KCNQ2: variants seen among roughly 807,000 people sequenced by gnomAD.
The protein encoded by KCNQ2 is potassium voltage-gated channel subfamily Q member 2.
KCNQ2 carries 14 observed loss-of-function variants against 84.8 expected under a neutral mutation model. The ratio of observed to expected loss-of-function variants is 0.17; its 90% CI spans 0.11 to 0.26. The LOEUF (loss-of-function observed/expected upper bound fraction) is 0.26, where lower values mean the gene tolerates loss of function less well. Among genes scored for constraint, KCNQ2 ranks in the 10% least tolerant of loss-of-function variants. The probability of loss-of-function intolerance (pLI) is 1.00; values close to 1 mark genes in which losing one functional copy is unlikely to be tolerated. For synonymous variants in KCNQ2, 599 were observed against 554.1 expected (o/e 1.08, Z -1.14); for missense variants, 788 against 1,254.0 (o/e 0.63, Z 5.61).
At chr20:63,454,092 G>A (rs774958552) in intron 1 of KCNQ2, among the ~76,000 whole-genome samples, 26 of 152,178 alleles carry the variant, frequency 1.7e-4, no homozygotes, top group African/African-American at 3.6e-4. Flanking sequence ...AGCCGGATGC[G>A]GCCGAGATCT....
intron 1 of KCNQ2, among the ~76,000 whole-genome samples, chr20:63,470,236 A>AGGTGGGG (rs1568983464): frequency 6.8e-6 from 1 of 147,668 alleles, no homozygotes; most frequent in South Asian, 2.1e-4. Context: ...AGAGCCTGGG[A>AGGTGGGG]GCTCAGGGAG....
intron 1 of KCNQ2, among the ~76,000 whole-genome samples, chr20:63,467,185 C>T (rs1037075581): frequency 6.6e-6 from 1 of 152,234 alleles, no homozygotes. Context: ...GCTGCCCCTC[C>T]CCTGCCTCTG....
In KCNQ2 at chr20:63,404,442, G is replaced by GCCACACC. The variant is rs2079881278; in HGVS notation, c.*2201_*2202insGGTGTGG. 6.6e-6 allele frequency: 1 copy of GCCACACC among 151,856 alleles called. No individual in the cohort carries two copies. Among genetic ancestry groups the GCCACACC allele is most frequent in the East Asian group, 1.9e-4 (1 of 5,202 alleles). The allele number at this position is 151,856 out of a possible 1,614,324, so 9.4% of individuals were successfully genotyped here. ...GGCGGGGGAGGAAAGAGCAGGCGGG[G>GCCACACC]TCACACCTGCAGGGGGACACACAGC... On this transcript the variant is annotated 3_prime_UTR_variant, in exon 17 of 17. Coordinates refer to ENST00000359125, the MANE Select transcript of KCNQ2 (RefSeq NM_172107.4).
At chr20:63,440,418 G>T (rs1217379277) in intron 5 of KCNQ2, among the ~76,000 whole-genome samples, 1 of 152,172 alleles carries the variant, frequency 6.6e-6, no homozygotes, top group African/African-American at 2.4e-5. Flanking sequence ...GCAGGGGCAG[G>T]CACCCTGCAC....
chr20:63,423,931 G>A (rs542780203), intron 11 of KCNQ2: 28 of 434,580 alleles, frequency 6.4e-5, no homozygotes, highest in South Asian at 4.3e-4. Flanking sequence ...CCGAGAAGCC[G>A]CCCAGCTGCC....
chr20:63,439,305 C>T (rs1439379742), intron 6 of KCNQ2, among the ~76,000 whole-genome samples: 1 of 152,242 alleles, frequency 6.6e-6, no homozygotes, highest in Non-Finnish European at 1.5e-5. Flanking sequence ...GGACCTCCTG[C>T]TCAGCCCCAC....
Position 63,433,672 on chromosome 20 carries a change from C to G in KCNQ2, c.1118+137G>C, listed in dbSNP as rs1419918034. The stretch of plus-strand genomic sequence containing the variant: ...GCAACGCCTCGAAATAAACCACACA[C>G]AGAACTCCTTTGTGAAAAATACATT... On this transcript the variant is annotated intron_variant, in intron 8 of 16. Transcript: ENST00000359125. 12 of 1,531,546 alleles carry G rather than the reference C, an allele frequency of 7.8e-6. No homozygotes were observed. The Admixed American group carries it at 1.4e-4, about 17-fold the overall frequency. 94.9% of individuals were successfully genotyped at this position (1,531,546 alleles called of 1,614,324 possible). A position where few individuals can be genotyped will look rare whatever the true frequency, so the allele number is the denominator to read the frequency against.
At chr20:63,467,144 C>G (rs921490375) in intron 1 of KCNQ2, among the ~76,000 whole-genome samples, 1 of 151,760 alleles carries the variant, frequency 6.6e-6, no homozygotes, top group South Asian at 2.1e-4. Context: ...CGTCAAACCT[C>G]AAGTGGACCT....
chr20:63,472,321 G>C lies in KCNQ2; in HGVS notation c.143C>G (p.Pro48Arg). Residue 48 changes from proline (P) to arginine (R), a missense_variant, in exon 1 of 17, where the codon CCC becomes CGC. Around this residue, in one of 8 missense-constraint regions of KCNQ2, gnomAD observed 106 missense variants for 214.8 expected, o/e 0.49. Transcript: ENST00000359125. ...TTTGCTGAGGATGCTGCCGCGCTTG[G>C]GGGCCTCGGAGCCGGCGATCAGCAG... ...GALLIAGSEA[P>R]KRGSILSKPR... 1 of 1,538,242 alleles carries C rather than the reference G, an allele frequency of 6.5e-7. No individual in the cohort carries two copies. The highest frequency in any genetic ancestry group is 8.8e-7 in the Non-Finnish European group (1 of 1,142,642).
chr20:63,403,439 TGTG>T lies in KCNQ2; in HGVS notation c.*3202_*3204del, dbSNP rs1194493431. On this transcript the variant is annotated 3_prime_UTR_variant, in exon 17 of 17. Coordinates refer to ENST00000359125, the MANE Select transcript of KCNQ2 (RefSeq NM_172107.4). ...ATGTGTGCAGTGTGCTCTGTGCACT[TGTG>T]TGTGCTGTGTGGTCTGTGCACCTGT... 1 of 152,130 alleles carries T rather than the reference TGTG, an allele frequency of 6.6e-6. No homozygotes were observed. The highest frequency in any genetic ancestry group is 1.5e-5 in the Non-Finnish European group (1 of 68,088). 9.4% of individuals were successfully genotyped at this position (152,130 alleles called of 1,614,324 possible).
At chr20:63,442,767 TCACCATCACCAC>T (rs1568934352) in intron 4 of KCNQ2, among the ~76,000 whole-genome samples, 17 of 24,444 alleles carry the variant, frequency 7.0e-4, no homozygotes, top group East Asian at 6.8e-3. Context: ...ATCACCACCA[TCACCATCACCAC>T]CACCACCATC....
At chr20:63,466,948 C>T (rs2082097937) in intron 1 of KCNQ2, among the ~76,000 whole-genome samples, 1 of 152,244 alleles carries the variant, frequency 6.6e-6, no homozygotes, top group African/African-American at 2.4e-5. Context: ...TAAGACAGCC[C>T]CCCGTGAGGT....
In KCNQ2 at chr20:63,442,755, CCAT is replaced by C. The variant is rs1332409020; in HGVS notation, c.691-227_691-225del. ...ACCACCTCCACCATCACCACCATCA[CCAT>C]CACCACCATCACCATCACCACCACC... On this transcript the variant is annotated intron_variant, in intron 4 of 16. Coordinates refer to ENST00000359125, the MANE Select transcript of KCNQ2 (RefSeq NM_172107.4). 9.2e-5 allele frequency among the ~76,000 whole-genome samples: 8 copies of C among 87,104 alleles called. 1 individual carries two copies. The highest frequency in any genetic ancestry group is 3.8e-4 in the East Asian group (1 of 2,666). The allele number at this position is 87,104 out of a possible 152,430, so 57.1% of individuals were successfully genotyped here. A position where few individuals can be genotyped will look rare whatever the true frequency, so the allele number is the denominator to read the frequency against.
intron 1 of KCNQ2, 30 bp downstream of exon 1, chr20:63,472,138 G>A (rs1348086745): frequency 2.1e-6 from 3 of 1,455,756 alleles, no homozygotes; most frequent in South Asian, 2.7e-5. Context: ...CGCCATGGGG[G>A]TCGCCACGGG....
At chr20:63,442,718 ACCACCATCATCACCACCT>A (rs1258862048) in intron 4 of KCNQ2, among the ~76,000 whole-genome samples, 187 bp from the exon 5 acceptor site, 51 of 94,580 alleles carry the variant, frequency 5.4e-4, no homozygotes, top group Non-Finnish European at 6.8e-4. Flanking sequence ...CACCACCACC[ACCACCATCATCACCACCT>A]CCACCATCAC....
chr20:63,430,043 A>C (rs1179122471), intron 9 of KCNQ2, among the ~76,000 whole-genome samples: 2 of 152,172 alleles, frequency 1.3e-5, no homozygotes, highest in African/African-American at 2.4e-5. Context: ...TGGGGGCCAC[A>C]GGTGGCTCCC....
At chr20:63,429,453 G>T (rs1053775334) in intron 9 of KCNQ2, among the ~76,000 whole-genome samples, 3 of 152,080 alleles carry the variant, frequency 2.0e-5, no homozygotes, top group African/African-American at 7.2e-5. Flanking sequence ...TCCCAGCCCA[G>T]CCCTCACCCA....
Position 63,428,336 on chromosome 20 carries a change from C to T in KCNQ2, c.1217+31G>A, listed in dbSNP as rs1178225462. 2.6e-6 allele frequency: 4 copies of T among 1,533,006 alleles called. No individual in the cohort carries two copies. The African/African-American group carries it at 5.5e-5, about 21-fold the overall frequency. The allele number at this position is 1,533,006 out of a possible 1,614,324, so 95.0% of individuals were successfully genotyped here. On this transcript the variant is annotated intron_variant, in intron 10 of 16. Coordinates refer to ENST00000359125, the MANE Select transcript of KCNQ2 (RefSeq NM_172107.4). ...GGGCCCCCAGGAGGACTGAGACGCC[C>T]ACCCGCCCCACCTGGAGCTCCCCAG...
intron 15 of KCNQ2, among the ~76,000 whole-genome samples, chr20:63,409,641 A>G (rs1278216401): frequency 1.3e-5 from 2 of 152,226 alleles, no homozygotes; most frequent in Non-Finnish European, 2.9e-5. Context: ...CAAGCTCCCA[A>G]GTCTCCCCTG....
Sources: allele counts gnomAD v4.1 joint callset (sites outside exome capture counted in the v4.1 genomes callset), GRCh38; gene constraint gnomAD v4.1.1; regional missense constraint gnomAD v4.1.1; transcripts MANE v1.5; gene names NCBI Gene and HGNC (gene_info 2026-07-23, HGNC 2026-07-21).